MRTFA: variants seen among roughly 807,000 people sequenced by gnomAD.
MRTFA encodes myocardin related transcription factor A.
In MRTFA, 20 loss-of-function variants were observed where a neutral mutation model predicts 83.5. That is an observed-to-expected ratio of 0.24 (90% confidence interval 0.17 to 0.35). The LOEUF (loss-of-function observed/expected upper bound fraction) is 0.35. MRTFA is among the 10% of genes least tolerant of loss of function. The probability of loss-of-function intolerance (pLI) is 1.00; values close to 1 mark genes in which losing one functional copy is unlikely to be tolerated. For missense variants in MRTFA, 1,200 were observed against 1,224.7 expected (o/e 0.98, Z 0.30); for synonymous variants, 659 against 541.2 (o/e 1.22, Z -3.02).
At chr22:40,431,148 C>T (rs1232923920) in intron 6 of MRTFA, among the ~76,000 whole-genome samples, 1 of 152,176 alleles carries the variant, frequency 6.6e-6, no homozygotes, top group African/African-American at 2.4e-5. Context: ...CAGAGAGAAG[C>T]GATCTCACAC....
chr22:40,441,814 ATG>A (rs199561040), intron 4 of MRTFA, among the ~76,000 whole-genome samples: 14,444 of 148,058 alleles, frequency 0.098, 860 homozygotes, highest in East Asian at 0.24. Flanking sequence ...ACATGTATGT[ATG>A]TGTATATATA....
chr22:40,432,869 T>A (rs745625008), intron 5 of MRTFA, among the ~76,000 whole-genome samples: 6 of 152,180 alleles, frequency 3.9e-5, no homozygotes, highest in Non-Finnish European at 8.8e-5. Flanking sequence ...CAGCAGAGAT[T>A]GGTAGAGCAG....
intron 2 of MRTFA, among the ~76,000 whole-genome samples, chr22:40,581,670 G>A (rs2055949197): frequency 6.6e-6 from 1 of 151,812 alleles, no homozygotes; most frequent in South Asian, 2.1e-4. Context: ...CCTTTCTTCT[G>A]TGCATCCACA....
chr22:40,440,089 T>C (rs1253956377), intron 4 of MRTFA: 4 of 149,996 alleles, frequency 2.7e-5, no homozygotes, highest in African/African-American at 9.9e-5. Flanking sequence ...GAGGCGGAGG[T>C]TGCAGTGAAC....
At chr22:40,604,895 G>T (rs1042630025) in intron 1 of MRTFA, among the ~76,000 whole-genome samples, 1 of 152,180 alleles carries the variant, frequency 6.6e-6, no homozygotes, top group Admixed American at 6.5e-5. Flanking sequence ...GTCTGTTGTT[G>T]TCGTTGAATG....
At chr22:40,514,513 C>T (rs2054724108) in intron 3 of MRTFA, among the ~76,000 whole-genome samples, 1 of 146,750 alleles carries the variant, frequency 6.8e-6, no homozygotes, top group Non-Finnish European at 1.5e-5. Context: ...CTCACTCTGT[C>T]GCCCAGGCTG....
chr22:40,570,887 T>C lies in MRTFA; in HGVS notation c.-21-18520A>G, dbSNP rs1407996782. On this transcript the variant is annotated intron_variant, in intron 2 of 14. Coordinates refer to ENST00000355630, the MANE Select transcript of MRTFA (RefSeq NM_020831.6). ...TTCTTTGGTCATAAATAATGGAACA[T>C]AATCCTAATAAAGAACATGGAGCCA... Among the ~76,000 whole-genome samples the C allele has an allele frequency of 2.6e-5, 4 of 151,742 alleles. No individual in the cohort carries two copies. In the East Asian group the frequency reaches 5.8e-4, roughly 22 times the overall value.
At chr22:40,455,742 G>A (rs2053574146) in intron 4 of MRTFA, among the ~76,000 whole-genome samples, 1 of 151,690 alleles carries the variant, frequency 6.6e-6, no homozygotes, top group Admixed American at 6.6e-5. Context: ...AGAGGATGTT[G>A]GAGATTACAA....
At chr22:40,540,258 C>T (rs909984354) in intron 3 of MRTFA, among the ~76,000 whole-genome samples, 3 of 152,152 alleles carry the variant, frequency 2.0e-5, no homozygotes, top group African/African-American at 7.2e-5. Context: ...GTAGTGTGTA[C>T]TTGAGCACTG....
At chr22:40,489,493 TC>T (rs1244288621) in intron 3 of MRTFA, among the ~76,000 whole-genome samples, 51 of 151,754 alleles carry the variant, frequency 3.4e-4, no homozygotes, top group South Asian at 2.7e-3. Context: ...TTTTTTTTTT[TC>T]TAGAGACAGG....
At chr22:40,628,206 T>C (rs1422896351) in intron 1 of MRTFA, among the ~76,000 whole-genome samples, 1 of 152,190 alleles carries the variant, frequency 6.6e-6, no homozygotes, top group Non-Finnish European at 1.5e-5. Flanking sequence ...AACTCTAGTT[T>C]ACAGATGAAG....
Position 40,417,459 on chromosome 22 carries a change from G to T in MRTFA, c.2399C>A (p.Pro800His). The T allele has an allele frequency of 6.3e-7, 1 of 1,598,400 alleles. No individual in the cohort carries two copies. The highest frequency in any genetic ancestry group is 8.5e-7 in the Non-Finnish European group (1 of 1,173,384). Residue 800 changes from proline to histidine, a missense_variant, in exon 13 of 15, where the codon CCC becomes CAC. Coordinates refer to ENST00000355630, the MANE Select transcript of MRTFA (RefSeq NM_020831.6). ...GTGCTCCAGGTCCATCTGGGCAGAG[G>T]GGGCAGGCGCTGGAGAGCCAGGCTG...
intron 3 of MRTFA, among the ~76,000 whole-genome samples, chr22:40,482,568 C>T (rs1036458567): frequency 6.6e-6 from 1 of 152,180 alleles, no homozygotes; most frequent in Non-Finnish European, 1.5e-5. Context: ...TGGAGATAAA[C>T]TAGGAATGTG....
chr22:40,620,188 C>T (rs1199354296), intron 1 of MRTFA, among the ~76,000 whole-genome samples: 2 of 149,314 alleles, frequency 1.3e-5, no homozygotes, highest in African/African-American at 4.9e-5. Context: ...TGCAATGGTG[C>T]GATCTCAGCT....
At chr22:40,627,193 C>T (rs943700910) in intron 1 of MRTFA, among the ~76,000 whole-genome samples, 1 of 152,126 alleles carries the variant, frequency 6.6e-6, no homozygotes, top group Non-Finnish European at 1.5e-5. Context: ...GTTGCCCAGG[C>T]TGGAGTGCAG....
Position 40,488,143 on chromosome 22 carries a change from A to C in MRTFA, c.242-24857T>G, listed in dbSNP as rs957367832. Among the ~76,000 whole-genome samples the C allele has an allele frequency of 2.6e-5, 4 of 152,198 alleles. No individual in the cohort carries two copies. In the East Asian group the frequency reaches 7.7e-4, roughly 29 times the overall value. On this transcript the variant is annotated intron_variant, in intron 3 of 14. Coordinates refer to ENST00000355630, the MANE Select transcript of MRTFA (RefSeq NM_020831.6). ...GCAGATAATACATTACTAGAGTACA[A>C]AAGGGATTAGGTAAGCTTCACAGGG... is the stretch of plus-strand genomic sequence containing the variant.
At chr22:40,449,095 C>G (rs2053438080) in intron 4 of MRTFA, among the ~76,000 whole-genome samples, 1 of 151,934 alleles carries the variant, frequency 6.6e-6, no homozygotes. Context: ...GAAACCCCGT[C>G]TCTACTAAAA....
intron 7 of MRTFA, 104 bp from the exon 8 acceptor site, chr22:40,424,485 C>G: frequency 8.1e-7 from 1 of 1,233,572 alleles, no homozygotes. Flanking sequence ...GGCCCACAGC[C>G]CACATGCCCC....
At chr22:40,602,206 T>A (rs1011762002) in intron 1 of MRTFA, among the ~76,000 whole-genome samples, 1 of 152,134 alleles carries the variant, frequency 6.6e-6, no homozygotes, top group South Asian at 2.1e-4. Context: ...CATCTCAGCA[T>A]TGGAAAGTGA....
Sources: allele counts gnomAD v4.1 joint callset (sites outside exome capture counted in the v4.1 genomes callset), GRCh38; gene constraint gnomAD v4.1.1; transcripts MANE v1.5; gene names NCBI Gene and HGNC (gene_info 2026-07-23, HGNC 2026-07-21).